AGAP1: variants seen among roughly 807,000 people sequenced by gnomAD.
AGAP1 encodes the protein arf-GAP with GTPase, ANK repeat and PH domain-containing protein 1.
AGAP1 carries 29 observed loss-of-function variants against 105.3 expected under a neutral mutation model. That is an observed-to-expected ratio of 0.28 (90% CI 0.21 to 0.38). The LOEUF (loss-of-function observed/expected upper bound fraction) is 0.38, where lower values mean the gene tolerates loss of function less well. AGAP1 is among the 10% of genes least tolerant of loss of function. The probability of loss-of-function intolerance (pLI) is 1.00; values close to 1 mark genes in which losing one functional copy is unlikely to be tolerated. For missense variants in AGAP1, 998 were observed against 1,165.1 expected (o/e 0.86, Z 2.09); for synonymous variants, 509 against 485.9 (o/e 1.05, Z -0.63).
Position 235,824,898 on chromosome 2 carries a change from C to T in AGAP1, c.1050+17567C>T, listed in dbSNP as rs1958983633. On this transcript the variant is annotated intron_variant, in intron 9 of 17. Transcript: ENST00000304032. This position sits in a 1 kb window ranked among gnomAD's most constrained non-coding sequence, Gnocchi z 5.2. Reference sequence around the variant, plus strand: ...AAAAGGAAAGCATGTTTTTATGTCTCACGTTTACAGGCGCTTTTCTGATTT... The same window carrying T: ...AAAAGGAAAGCATGTTTTTATGTCTTACGTTTACAGGCGCTTTTCTGATTT... 6.6e-6 allele frequency among the ~76,000 whole-genome samples: 1 copy of T among 152,198 alleles called. No individual in the cohort carries two copies. Among genetic ancestry groups the T allele is most frequent in the African/African-American group, 2.4e-5 (1 of 41,446 alleles).
At chr2:235,945,111 G>A (rs2053427233) in intron 12 of AGAP1, among the ~76,000 whole-genome samples, 1 of 151,818 alleles carries the variant, frequency 6.6e-6, no homozygotes, top group Non-Finnish European at 1.5e-5. Context: ...ATTCTTTTTT[G>A]TTTTTTTGAG....
chr2:235,650,998 G>C (rs540539977), intron 1 of AGAP1, among the ~76,000 whole-genome samples: 50 of 151,940 alleles, frequency 3.3e-4, no homozygotes, highest in African/African-American at 1.2e-3. Context: ...TGGACAACAT[G>C]GTGAAACCCG....
chr2:235,969,677 G>A (rs566947224), intron 13 of AGAP1, among the ~76,000 whole-genome samples: 3 of 152,310 alleles, frequency 2.0e-5, no homozygotes, highest in South Asian at 2.1e-4. Flanking sequence ...AGCGGAGCAC[G>A]CAAACCCACG....
intron 2 of AGAP1, 141 bp downstream of exon 2, chr2:235,709,378 G>A: frequency 1.0e-6 from 1 of 966,644 alleles, no homozygotes; most frequent in Non-Finnish European, 1.6e-6. Flanking sequence ...GGAAGGGCCA[G>A]GTATAGTTGA....
Position 235,552,427 on chromosome 2 carries a change from A to C in AGAP1, c.163+57578A>C, listed in dbSNP as rs564702016. On this transcript the variant is annotated intron_variant, in intron 1 of 17. Transcript: ENST00000304032. This position sits in a 1 kb window ranked among gnomAD's most constrained non-coding sequence, Gnocchi z 5.9. ...GGCATTGTTGGAGGTCAGGAAGACCAACTAAGTCAAGTAGAGCCATTGGCT... is the reference window on the plus strand; with the variant it reads ...GGCATTGTTGGAGGTCAGGAAGACCCACTAAGTCAAGTAGAGCCATTGGCT... 1.4e-4 allele frequency among the ~76,000 whole-genome samples: 21 copies of C among 152,314 alleles called. No homozygotes were observed. The South Asian group carries it at 2.5e-3, about 18-fold the overall frequency.
At position 235,725,054 on chromosome 2, in the gene AGAP1, C is replaced by T. The variant is rs554003548; in HGVS notation, c.310+7410C>T. 1.1e-4 allele frequency among the ~76,000 whole-genome samples: 16 copies of T among 152,246 alleles called. No individual in the cohort carries two copies. The South Asian group carries it at 1.2e-3, about 12-fold the overall frequency. On this transcript the variant is annotated intron_variant, in intron 3 of 17. Coordinates refer to ENST00000304032, the MANE Select transcript of AGAP1 (RefSeq NM_001037131.3). The surrounding 1 kb of genome is among the most constrained non-coding windows in gnomAD (Gnocchi z 5.7). The stretch of plus-strand genomic sequence containing the variant: ...TGTGCTGCACTGAGGCTGAAGGGTT[C>T]TGGGATTTTCCACTGTGTGTTTGGT...
At chr2:235,797,129 G>A (rs1344617645) in intron 6 of AGAP1, among the ~76,000 whole-genome samples, 1 of 151,786 alleles carries the variant, frequency 6.6e-6, no homozygotes, top group Non-Finnish European at 1.5e-5. Context: ...TTTAGGCTTT[G>A]GGGGAAAAAA....
intron 1 of AGAP1, among the ~76,000 whole-genome samples, chr2:235,693,444 G>C (rs1310942118): frequency 3.3e-5 from 5 of 152,184 alleles, no homozygotes; most frequent in Non-Finnish European, 5.9e-5. Flanking sequence ...TGGGGACTCA[G>C]CCTAGAGTGA....
chr2:235,781,009 T>C (rs1431513688), intron 6 of AGAP1, among the ~76,000 whole-genome samples: 4 of 152,222 alleles, frequency 2.6e-5, no homozygotes, highest in Non-Finnish European at 5.9e-5. Context: ...TGGACAATTA[T>C]TTAAGACATT....
intron 13 of AGAP1, among the ~76,000 whole-genome samples, chr2:236,026,254 G>C (rs777711520): frequency 2.0e-5 from 3 of 152,184 alleles, no homozygotes; most frequent in Non-Finnish European, 4.4e-5. Context: ...AGAGTGGCCA[G>C]GGACATCACG....
intron 9 of AGAP1, among the ~76,000 whole-genome samples, chr2:235,849,905 C>T (rs1159527351): frequency 6.6e-6 from 1 of 152,218 alleles, no homozygotes; most frequent in African/African-American, 2.4e-5. Flanking sequence ...ACATGCTCCC[C>T]TCTCCCTCTC....
chr2:236,116,048 G>C (rs1168306143), intron 16 of AGAP1, among the ~76,000 whole-genome samples: 1 of 151,788 alleles, frequency 6.6e-6, no homozygotes, highest in Admixed American at 6.6e-5. Context: ...CAGGTGGCCC[G>C]CCCAGCCTCG....
rs536569378 is a variant in AGAP1 at position 236,024,490 on chromosome 2, G to C, written c.1646-12071G>C. On this transcript the variant is annotated intron_variant, in intron 13 of 17. Coordinates refer to ENST00000304032, the MANE Select transcript of AGAP1 (RefSeq NM_001037131.3). ...TGTGCCTCCCTCCTTCCCTCCCCTC[G>C]CACCCACTTCTCCCCCATGCATCCT... Among the ~76,000 whole-genome samples, 14 of 151,888 alleles carry C rather than the reference G, an allele frequency of 9.2e-5. No individual in the cohort carries two copies. The East Asian group carries it at 2.7e-3, about 29-fold the overall frequency.
chr2:235,838,602 T>C (rs1177294220), intron 9 of AGAP1, among the ~76,000 whole-genome samples: 1 of 152,224 alleles, frequency 6.6e-6, no homozygotes, highest in Non-Finnish European at 1.5e-5. Context: ...AAAAAGGAAA[T>C]TGATTTAGTG....
At chr2:235,626,841 G>A (rs1000765065) in intron 1 of AGAP1, among the ~76,000 whole-genome samples, 1 of 152,178 alleles carries the variant, frequency 6.6e-6, no homozygotes, top group Non-Finnish European at 1.5e-5. Flanking sequence ...AAATTGGCAT[G>A]GCGTGTTTCA....
intron 10 of AGAP1, among the ~76,000 whole-genome samples, chr2:235,896,488 G>A (rs2050813155): frequency 6.6e-6 from 1 of 152,170 alleles, no homozygotes; most frequent in Non-Finnish European, 1.5e-5. Flanking sequence ...TATTAAACCT[G>A]CCTAACCTTA....
At position 235,931,018 on chromosome 2, in the gene AGAP1, C is replaced by T. The variant is rs896025183; in HGVS notation, c.1483+95C>T. 29 of 1,418,226 alleles carry T rather than the reference C, an allele frequency of 2.0e-5. No individual in the cohort carries two copies. Among genetic ancestry groups the T allele is most frequent in the Admixed American group, 1.2e-4 (5 of 41,946 alleles). The allele number at this position is 1,418,226 out of a possible 1,614,324, so 87.9% of individuals were successfully genotyped here. On this transcript the variant is annotated intron_variant, in intron 12 of 17. Transcript: ENST00000304032. The surrounding 1 kb of genome is among the most constrained non-coding windows in gnomAD (Gnocchi z 5.6). ...CAGGACGCCCTAAGCTCTCATGCTCCTCTGGGAGCGCAGCACCCTGTGGGG... is the reference window on the plus strand; with the variant it reads ...CAGGACGCCCTAAGCTCTCATGCTCTTCTGGGAGCGCAGCACCCTGTGGGG...
intron 1 of AGAP1, among the ~76,000 whole-genome samples, chr2:235,518,131 G>T (rs1015179325): frequency 6.6e-6 from 1 of 152,128 alleles, no homozygotes; most frequent in Non-Finnish European, 1.5e-5. Flanking sequence ...GTGCATAAGG[G>T]CTGTGCCCAT....
In AGAP1 at chr2:235,662,475, T is replaced by C. The variant is rs574651841; in HGVS notation, c.164-46704T>C. Among the ~76,000 whole-genome samples, 5 of 151,862 alleles carry C rather than the reference T, an allele frequency of 3.3e-5. No homozygotes were observed. The South Asian group carries it at 1.0e-3, about 32-fold the overall frequency. On this transcript the variant is annotated intron_variant, in intron 1 of 17. Transcript: ENST00000304032. This position sits in a 1 kb window ranked among gnomAD's most constrained non-coding sequence, Gnocchi z 4.2. ...TGTGTGGCCATCCCAATTTAGTTTA[T>C]CATTCCCCTACTTGGTCTGTCTGCC...
Sources: allele counts gnomAD v4.1 joint callset (sites outside exome capture counted in the v4.1 genomes callset), GRCh38; gene constraint gnomAD v4.1.1; non-coding constraint Gnocchi (gnomAD v3.1); transcripts MANE v1.5; gene names NCBI Gene and HGNC (gene_info 2026-07-23, HGNC 2026-07-21).